Variants in RALYL observed in about 807,000 individuals in gnomAD.
RALYL encodes RNA-binding Raly-like protein.
Under a neutral mutation model 35.1 loss-of-function variants are expected in RALYL, and 29 were observed. The ratio of observed to expected loss-of-function variants is 0.83; its 90% CI spans 0.61 to 1.13. The LOEUF (loss-of-function observed/expected upper bound fraction) is 1.13, where lower values mean the gene tolerates loss of function less well. Ranked by LOEUF, RALYL falls within the 50% of genes most tolerant of loss-of-function variation. The pLI is 0.00. For synonymous variants in RALYL, 120 were observed against 127.6 expected (o/e 0.94, Z 0.40); for missense variants, 359 against 360.4 (o/e 1.00, Z 0.03).
At chr8:84,221,122 A>G (rs1822099082) in intron 1 of RALYL, among the ~76,000 whole-genome samples, 1 of 152,024 alleles carries the variant, frequency 6.6e-6, no homozygotes, top group Non-Finnish European at 1.5e-5. Flanking sequence ...AGACTCATTA[A>G]CCACCTTAGT....
intron 2 of RALYL, among the ~76,000 whole-genome samples, chr8:84,618,222 CTGGACTCTTTT>C (rs968471914): frequency 6.6e-6 from 1 of 151,768 alleles, no homozygotes; most frequent in Admixed American, 6.6e-5. Context: ...CCATTTGGTC[CTGGACTCTTTT>C]TGGTTGGTAA....
intron 1 of RALYL, among the ~76,000 whole-genome samples, chr8:84,442,124 T>C (rs2048390370): frequency 1.3e-5 from 2 of 152,076 alleles, no homozygotes; most frequent in African/African-American, 4.8e-5. Flanking sequence ...ACCATGGAAA[T>C]GCATTTGGGA....
chr8:84,623,006 T>A (rs1466931453), intron 2 of RALYL, among the ~76,000 whole-genome samples: 4 of 152,192 alleles, frequency 2.6e-5, no homozygotes, highest in Admixed American at 1.3e-4. Flanking sequence ...GTGCACACCA[T>A]ACTGCTTAAA....
At chr8:84,213,396 A>G (rs754116935) in intron 1 of RALYL, among the ~76,000 whole-genome samples, 15 of 152,158 alleles carry the variant, frequency 9.9e-5, no homozygotes, top group Non-Finnish European at 1.8e-4. Flanking sequence ...ACTCCATCTC[A>G]ACAACAACAA....
In RALYL at chr8:84,350,320, A is replaced by C. The variant is rs1353231344; in HGVS notation, c.-24+165896A>C. On this transcript the variant is annotated intron_variant, in intron 1 of 8. Coordinates refer to ENST00000521268, the MANE Select transcript of RALYL (RefSeq NM_173848.7). Reference sequence around the variant, plus strand: ...GGCTCCAAATGTGAATGCTTATAACAGTTTGCTATACTGCAAAACTGCAGA... The same window carrying C: ...GGCTCCAAATGTGAATGCTTATAACCGTTTGCTATACTGCAAAACTGCAGA... 4.0e-5 allele frequency among the ~76,000 whole-genome samples: 6 copies of C among 150,544 alleles called. No individual in the cohort carries two copies. The East Asian group carries it at 9.7e-4, about 24-fold the overall frequency.
intron 1 of RALYL, among the ~76,000 whole-genome samples, chr8:84,216,322 A>T (rs1457312527): frequency 6.6e-6 from 1 of 152,180 alleles, no homozygotes; most frequent in Non-Finnish European, 1.5e-5. Flanking sequence ...TAGCAAGATC[A>T]TGAAGAAATA....
intron 6 of RALYL, among the ~76,000 whole-genome samples, chr8:84,868,867 T>C (rs1733819081): frequency 6.6e-6 from 1 of 152,146 alleles, no homozygotes; most frequent in African/African-American, 2.4e-5. Context: ...ACTTTAAAGT[T>C]TGACTTTTGA....
At chr8:84,283,949 C>A (rs1289072920) in intron 1 of RALYL, among the ~76,000 whole-genome samples, 1 of 151,024 alleles carries the variant, frequency 6.6e-6, no homozygotes, top group African/African-American at 2.5e-5. Context: ...TGGAACCTTA[C>A]ATTAGACCAG....
At chr8:84,806,068 T>TATCA (rs1824529406) in intron 4 of RALYL, among the ~76,000 whole-genome samples, 1 of 152,336 alleles carries the variant, frequency 6.6e-6, no homozygotes, top group East Asian at 1.9e-4. Flanking sequence ...TGAATATTTC[T>TATCA]ATCAATCACT....
intron 2 of RALYL, among the ~76,000 whole-genome samples, chr8:84,745,621 A>T (rs1326764562): frequency 3.9e-5 from 6 of 152,192 alleles, no homozygotes; most frequent in African/African-American, 1.4e-4. Context: ...GCAAGGTAGC[A>T]TATAAGATTT....
At chr8:84,545,445 T>C (rs141068113) in intron 2 of RALYL, among the ~76,000 whole-genome samples, 20 of 152,342 alleles carry the variant, frequency 1.3e-4, no homozygotes, top group South Asian at 4.1e-4. Context: ...TCAAAATTTT[T>C]AGATACAGAA....
Position 84,920,941 on chromosome 8 carries a change from GA to G in RALYL, c.*34del. 3 of 1,394,458 alleles carry G rather than the reference GA, an allele frequency of 2.2e-6. No homozygotes were observed. Among genetic ancestry groups the G allele is most frequent in the East Asian group, 5.4e-5 (2 of 36,718 alleles). The allele number at this position is 1,394,458 out of a possible 1,614,324, so 86.4% of individuals were successfully genotyped here. On this transcript the variant is annotated 3_prime_UTR_variant, in exon 9 of 9. Coordinates refer to ENST00000521268, the MANE Select transcript of RALYL (RefSeq NM_173848.7). ...AAATAACGCATGATGCCACAAAGCAGAAAAGAGAAACTGTGACAACCCCCAG... is the reference window on the plus strand; with the variant it reads ...AAATAACGCATGATGCCACAAAGCAGAAAGAGAAACTGTGACAACCCCCAG...
chr8:84,774,101 C>T (rs1434283612), intron 2 of RALYL, among the ~76,000 whole-genome samples: 1 of 152,082 alleles, frequency 6.6e-6, no homozygotes, highest in Non-Finnish European at 1.5e-5. Context: ...TGCCTGTAGT[C>T]CTAGCTACTT....
intron 1 of RALYL, among the ~76,000 whole-genome samples, chr8:84,296,136 A>G (rs1003215730): frequency 6.6e-6 from 1 of 152,084 alleles, no homozygotes; most frequent in Non-Finnish European, 1.5e-5. Flanking sequence ...TAGAATGTCT[A>G]TGTAGTAGAA....
chr8:84,542,090 C>T (rs1005149938), intron 2 of RALYL, among the ~76,000 whole-genome samples: 2 of 151,908 alleles, frequency 1.3e-5, no homozygotes, highest in South Asian at 4.1e-4. Context: ...TAAATTTGTT[C>T]CATGTACTGC....
intron 8 of RALYL, among the ~76,000 whole-genome samples, chr8:84,913,032 A>ATAGC (rs71304717): frequency 9.2e-6 from 1 of 109,048 alleles, no homozygotes; most frequent in Non-Finnish European, 1.9e-5. Context: ...GGATGGATGG[A>ATAGC]TAGGTAGGTA....
intron 1 of RALYL, among the ~76,000 whole-genome samples, chr8:84,340,464 C>T (rs927583220): frequency 6.6e-6 from 1 of 152,084 alleles, no homozygotes; most frequent in South Asian, 2.1e-4. Context: ...CCCTTGGTAA[C>T]CACTATTCTA....
intron 5 of RALYL, among the ~76,000 whole-genome samples, chr8:84,851,989 A>T (rs1057205384): frequency 6.6e-6 from 1 of 151,990 alleles, no homozygotes; most frequent in Non-Finnish European, 1.5e-5. Context: ...CTATCAGTAA[A>T]CCTCACACAT....
At chr8:84,699,430 G>A (rs1449971983) in intron 2 of RALYL, among the ~76,000 whole-genome samples, 11 of 152,096 alleles carry the variant, frequency 7.2e-5, no homozygotes, top group Admixed American at 7.2e-4. Flanking sequence ...GTTTCCCAGA[G>A]TTCTAAAGGC....
Sources: gnomAD v4.1 joint callset for allele counts (sites outside exome capture counted in the v4.1 genomes callset) on GRCh38, gnomAD v4.1.1 for gene constraint, MANE v1.5 for transcripts, NCBI Gene and HGNC (gene_info 2026-07-23, HGNC 2026-07-21) for gene names.